CADM2: variants seen among roughly 807,000 people sequenced by gnomAD.
CADM2 encodes immunoglobulin superfamily member 4D.
A neutral mutation model predicts 49.8 loss-of-function variants in CADM2; 12 were observed. The ratio of observed to expected loss-of-function variants is 0.24; its 90% CI spans 0.15 to 0.39. The LOEUF is 0.39. Ranked by LOEUF, CADM2 falls within the 10% of genes least tolerant of loss-of-function variation. The pLI is 1.00. For missense variants in CADM2, 378 were observed against 492.3 expected (o/e 0.77, Z 2.20); for synonymous variants, 214 against 175.4 (o/e 1.22, Z -1.74).
At chr3:85,387,974 G>A (rs2107383496) in intron 1 of CADM2, among the ~76,000 whole-genome samples, 1 of 152,280 alleles carries the variant, frequency 6.6e-6, no homozygotes, top group South Asian at 2.1e-4. Flanking sequence ...CATAAAAGAA[G>A]CTGCTCTCAG....
chr3:85,477,984 T>C (rs940213055), intron 1 of CADM2, among the ~76,000 whole-genome samples: 9 of 151,972 alleles, frequency 5.9e-5, no homozygotes, highest in African/African-American at 2.2e-4. Context: ...ATAAGAGTTT[T>C]TAAAAATATT....
rs144625753 is a variant in CADM2, at chr3:85,634,797, A to G, written c.62-91725A>G. Among the ~76,000 whole-genome samples, 838 of 152,230 alleles carry G rather than the reference A, an allele frequency of 5.5e-3. 11 individuals are homozygous for G. Among genetic ancestry groups the G allele is most frequent in the African/African-American group, 0.019 (807 of 41,562 alleles). ...AAGTTGCTGACTTTCTGATAAGACA[A>G]AGGTAGATTTCTTGACAGAAACTAC... On this transcript the variant is annotated intron_variant, in intron 1 of 9. Coordinates refer to ENST00000383699, the MANE Select transcript of CADM2 (RefSeq NM_001167675.2).
intron 2 of CADM2, among the ~76,000 whole-genome samples, chr3:85,726,886 A>C (rs934414210): frequency 6.6e-6 from 1 of 152,076 alleles, no homozygotes; most frequent in Non-Finnish European, 1.5e-5. Context: ...ATACAGCATA[A>C]AATAAAACTG....
chr3:85,056,039 A>G (rs1480319163), intron 1 of CADM2, among the ~76,000 whole-genome samples: 1 of 152,082 alleles, frequency 6.6e-6, no homozygotes, highest in Non-Finnish European at 1.5e-5. Context: ...CCAAATCCAT[A>G]TAAATGTGAA....
intron 5 of CADM2, among the ~76,000 whole-genome samples, chr3:85,898,573 C>CT (rs199547014): frequency 0.06 from 8,572 of 142,322 alleles, 282 homozygotes; most frequent in South Asian, 0.13. Context: ...ACATATCTTT[C>CT]TTTTTTTTTT....
intron 1 of CADM2, among the ~76,000 whole-genome samples, chr3:85,361,916 C>T (rs544726669): frequency 6.6e-6 from 1 of 152,232 alleles, no homozygotes; most frequent in Admixed American, 6.5e-5. Context: ...GGAAGCAAGA[C>T]ATATGTATTG....
At chr3:85,280,092 T>C (rs541049898) in intron 1 of CADM2, among the ~76,000 whole-genome samples, 1 of 151,796 alleles carries the variant, frequency 6.6e-6, no homozygotes, top group African/African-American at 2.4e-5. Context: ...ATCATATCAT[T>C]GCCAAGACCA....
intron 1 of CADM2, among the ~76,000 whole-genome samples, chr3:84,980,146 C>T (rs548878506): frequency 2.6e-5 from 4 of 152,134 alleles, no homozygotes; most frequent in South Asian, 2.1e-4. Flanking sequence ...TGTTTATAGG[C>T]GTTCTAGAAG....
At chr3:86,044,085 T>A (rs1736321280) in intron 8 of CADM2, among the ~76,000 whole-genome samples, 2 of 152,182 alleles carry the variant, frequency 1.3e-5, no homozygotes, top group African/African-American at 4.8e-5. Flanking sequence ...GACTTACATG[T>A]TAGACCTAAA....
chr3:85,720,815 C>T (rs1459015927), intron 1 of CADM2, among the ~76,000 whole-genome samples: 1 of 152,090 alleles, frequency 6.6e-6, no homozygotes, highest in East Asian at 1.9e-4. Context: ...GTTATCTAGC[C>T]CTCTACAGCA....
At chr3:85,463,434 T>G (rs2038346155) in intron 1 of CADM2, among the ~76,000 whole-genome samples, 1 of 152,158 alleles carries the variant, frequency 6.6e-6, no homozygotes, top group Non-Finnish European at 1.5e-5. Flanking sequence ...ATTTAAGTAT[T>G]TTGGTGATTC....
At chr3:85,992,430 A>G (rs1391283114) in intron 8 of CADM2, 1 of 152,030 alleles carries the variant, frequency 6.6e-6, no homozygotes, top group African/African-American at 2.4e-5. Flanking sequence ...ATTTTACAAT[A>G]TTTTTTGCAT....
At chr3:85,492,486 G>T (rs747171114) in intron 1 of CADM2, among the ~76,000 whole-genome samples, 19 of 152,002 alleles carry the variant, frequency 1.2e-4, no homozygotes, top group Non-Finnish European at 2.2e-4. Flanking sequence ...CAGCTACTCG[G>T]AAGGCTGAGG....
chr3:85,150,371 G>A (rs189529129), intron 1 of CADM2, among the ~76,000 whole-genome samples: 61 of 152,262 alleles, frequency 4.0e-4, no homozygotes, highest in Non-Finnish European at 7.5e-4. Context: ...AACTCTCAGA[G>A]ACAGAAACAA....
chr3:85,501,794 G>A (rs186333055), intron 1 of CADM2, among the ~76,000 whole-genome samples: 1 of 152,176 alleles, frequency 6.6e-6, no homozygotes, highest in Non-Finnish European at 1.5e-5. Flanking sequence ...ATGAGAACAT[G>A]CTCTTGGGTT....
chr3:85,279,414 A>G (rs2043445462), intron 1 of CADM2, among the ~76,000 whole-genome samples: 1 of 151,572 alleles, frequency 6.6e-6, no homozygotes, highest in Non-Finnish European at 1.5e-5. Flanking sequence ...AGAAGATACA[A>G]TACTCTTCAA....
chr3:85,978,556 A>G (rs1388764309), intron 8 of CADM2, among the ~76,000 whole-genome samples: 1 of 151,622 alleles, frequency 6.6e-6, no homozygotes, highest in African/African-American at 2.4e-5. Context: ...CAGGGTAAGA[A>G]TTGCAAGACT....
intron 6 of CADM2, among the ~76,000 whole-genome samples, chr3:85,925,169 A>G (rs939898201): frequency 5.3e-5 from 8 of 151,986 alleles, no homozygotes; most frequent in Admixed American, 3.9e-4. Context: ...GGCAACTCCC[A>G]TACTACATCA....
At chr3:86,037,528 A>C (rs1735316549) in intron 8 of CADM2, among the ~76,000 whole-genome samples, 1 of 152,174 alleles carries the variant, frequency 6.6e-6, no homozygotes, top group African/African-American at 2.4e-5. Flanking sequence ...TAAGTTACCA[A>C]AAATATATTG....
Sources: allele counts gnomAD v4.1 joint callset (sites outside exome capture counted in the v4.1 genomes callset), GRCh38; gene constraint gnomAD v4.1.1; transcripts MANE v1.5; gene names NCBI Gene and HGNC (gene_info 2026-07-23, HGNC 2026-07-21).